Variants in NOC3L observed in about 807,000 individuals in gnomAD.
NOC3L encodes the protein nucleolar complex protein 3 homolog.
In NOC3L, 85 loss-of-function variants were observed where a neutral mutation model predicts 102.5. The ratio of observed to expected loss-of-function variants is 0.83; its 90% CI spans 0.70 to 0.99. The LOEUF is 0.99. Ranked by LOEUF, NOC3L falls within the 50% of genes least tolerant of loss-of-function variation. The pLI, the probability that NOC3L is intolerant of heterozygous loss-of-function variation, is 0.00. For synonymous variants in NOC3L, 303 were observed against 309.4 expected (o/e 0.98, Z 0.22); for missense variants, 878 against 914.9 (o/e 0.96, Z 0.52).
chr10:94,357,318 C>A lies in NOC3L; in HGVS notation c.364G>T (p.Ala122Ser). The A allele has an allele frequency of 6.3e-7, 1 of 1,595,940 alleles. No individual in the cohort carries two copies. The highest frequency in any genetic ancestry group is 8.5e-7 in the Non-Finnish European group (1 of 1,171,770). The change falls in exon 4 of 21, where the codon GCG (alanine) becomes TCG (serine). Residue 122 changes from alanine (A) to serine (S), a missense_variant. Ala to Ser is a moderately conservative substitution (Grantham distance 99). Transcript: ENST00000371361. ...RDLSSSEPVH[A>S]KKRKHERIID... ...ATGCGTTCATGCTTCCGTTTCTTCG[C>A]ATGAACAGGCTCACTGCAGGGGAAA...
At chr10:94,347,479 A>C (rs1352484677) in intron 10 of NOC3L, among the ~76,000 whole-genome samples, 1 of 152,200 alleles carries the variant, frequency 6.6e-6, no homozygotes, top group Non-Finnish European at 1.5e-5. Flanking sequence ...CCTATGGCTG[A>C]GTTTCATGTT....
At chr10:94,324,953 A>C in the NOC3L span, 22 of 1,614,092 alleles carry the variant, frequency 1.4e-5, no homozygotes, top group Admixed American at 3.3e-5. Flanking sequence ...AAGCTCACCA[A>C]GTCAACTAAA....
At position 94,340,497 on chromosome 10, in the gene NOC3L, CT is replaced by C. The variant is rs2054269439; in HGVS notation, c.1645-2del. ...GAAGACTTTCTTGATAGCTTAGGTCCTTTAAAAAAAAAAGGGGGGGGTGAGG... is the reference window on the plus strand; with the variant it reads ...GAAGACTTTCTTGATAGCTTAGGTCCTTAAAAAAAAAAGGGGGGGGTGAGG... On this transcript the variant is annotated splice_acceptor_variant, in intron 14 of 20. Coordinates refer to ENST00000371361, the MANE Select transcript of NOC3L (RefSeq NM_022451.11). LOFTEE classifies it high-confidence loss of function. 3.7e-5 allele frequency: 41 copies of C among 1,100,934 alleles called. No individual in the cohort carries two copies. Among genetic ancestry groups the C allele is most frequent in the Non-Finnish European group, 4.4e-5 (34 of 765,742 alleles). 68.2% of individuals were successfully genotyped at this position (1,100,934 alleles called of 1,614,324 possible). A position where few individuals can be genotyped will look rare whatever the true frequency, so the allele number is the denominator to read the frequency against.
At chr10:94,326,422 G>A in the NOC3L span, among the ~76,000 whole-genome samples, 3 of 152,180 alleles carry the variant, frequency 2.0e-5, no homozygotes, top group African/African-American at 7.2e-5. Context: ...ACACTCTGCA[G>A]TGGTCAAAAT....
the NOC3L span, chr10:94,328,127 AC>A: frequency 2.9e-6 from 1 of 349,812 alleles, no homozygotes; most frequent in African/African-American, 2.1e-5. Flanking sequence ...GCTAGTTGCC[AC>A]CAACCAATTT....
the NOC3L span, among the ~76,000 whole-genome samples, chr10:94,322,587 C>T: frequency 6.6e-6 from 1 of 152,044 alleles, no homozygotes; most frequent in African/African-American, 2.4e-5. Flanking sequence ...GAGTTCGAGA[C>T]CAGCCTGGCC....
intron 7 of NOC3L, 138 bp downstream of exon 7, chr10:94,352,758 G>A (rs2054435146): frequency 4.3e-6 from 3 of 696,092 alleles, no homozygotes; most frequent in Non-Finnish European, 7.2e-6. Flanking sequence ...GAAGGCAGAG[G>A]TTGCAGTGAG....
chr10:94,316,754 GAAGT>G, the NOC3L span: 6 of 1,609,670 alleles, frequency 3.7e-6, no homozygotes, highest in South Asian at 5.5e-5. Flanking sequence ...AACCCAGCAG[GAAGT>G]AAGTGTGTCT....
the NOC3L span, among the ~76,000 whole-genome samples, chr10:94,327,196 T>C: frequency 5.3e-5 from 8 of 152,192 alleles, no homozygotes; most frequent in African/African-American, 1.9e-4. Flanking sequence ...TTATAGTCAT[T>C]GGTGCATCTA....
intron 3 of NOC3L, 68 bp from the exon 4 acceptor site, chr10:94,357,399 T>C: frequency 7.4e-7 from 1 of 1,355,578 alleles, no homozygotes; most frequent in Non-Finnish European, 9.6e-7. Flanking sequence ...GACCTATCAT[T>C]TCAAAAGTAC....
chr10:94,326,459 A>C, the NOC3L span, among the ~76,000 whole-genome samples: 1 of 152,232 alleles, frequency 6.6e-6, no homozygotes, highest in Non-Finnish European at 1.5e-5. Context: ...CATATCCAGA[A>C]GTTAGTATCA....
At chr10:94,340,560 G>A in intron 14 of NOC3L, 64 bp from the exon 15 acceptor site, 1 of 1,422,872 alleles carries the variant, frequency 7.0e-7, no homozygotes, top group Non-Finnish European at 9.7e-7. Flanking sequence ...GCCATTTATA[G>A]CTTTAAAAAA....
chr10:94,334,547 TA>T, intron 20 of NOC3L, 86 bp downstream of exon 20: 1 of 976,554 alleles, frequency 1.0e-6, no homozygotes, highest in Non-Finnish European at 1.5e-6. Flanking sequence ...AAACTACCTA[TA>T]AAATAATTAA....
chr10:94,327,788 CT>C, the NOC3L span, among the ~76,000 whole-genome samples: 2 of 151,988 alleles, frequency 1.3e-5, no homozygotes, highest in African/African-American at 4.8e-5. Flanking sequence ...CAGAAATAAC[CT>C]AATGTTCTAC....
chr10:94,315,864 C>CA, the NOC3L span, among the ~76,000 whole-genome samples: 1 of 149,682 alleles, frequency 6.7e-6, no homozygotes, highest in Non-Finnish European at 1.5e-5. Context: ...AACCATAAAA[C>CA]AAAATTAAGA....
At chr10:94,344,959 T>C (rs2054326655) in intron 11 of NOC3L, 26 bp from the exon 12 acceptor site, 2 of 1,548,770 alleles carry the variant, frequency 1.3e-6, no homozygotes, top group Non-Finnish European at 1.8e-6. Flanking sequence ...AAAACAAAAA[T>C]CTAAGAGCAT....
chr10:94,348,678 G>A (rs942628967), intron 10 of NOC3L, among the ~76,000 whole-genome samples: 1 of 152,064 alleles, frequency 6.6e-6, no homozygotes, highest in African/African-American at 2.4e-5. Flanking sequence ...CAGGTAGGAG[G>A]GAACTGACAC....
chr10:94,331,673 T>TGTCTCTTATACAGAGTCTAGAC (rs1311133780), downstream of NOC3L: 2 of 152,168 alleles, frequency 1.3e-5, no homozygotes, highest in African/African-American at 2.4e-5. Flanking sequence ...AAAGGGAGAT[T>TGTCTCTTATACAGAGTCTAGAC]GTCTCTTATA....
rs761803586 is a variant in NOC3L at position 94,341,721 on chromosome 10, T to A, written c.1596A>T (p.Glu532Asp). The A allele has an allele frequency of 5.7e-6, 9 of 1,570,570 alleles. No individual in the cohort carries two copies. The highest frequency in any genetic ancestry group is 1.7e-4 in the Middle Eastern group (1 of 5,922). The change falls in exon 14 of 21, where the codon GAA (glutamate) becomes GAT (aspartate). Residue 532 changes from glutamate (E) to aspartate (D), a missense_variant. Transcript: ENST00000371361. The part of the protein sequence containing the change: ...LAKFAHLINV[E>D]FFDDLLVVLH... ...GAACTACTAACAGATCATCAAAAAA[T>A]TCCACATTTATAAGGTGAGCAAACC...
Sources: gnomAD v4.1 joint callset for allele counts (sites outside exome capture counted in the v4.1 genomes callset) on GRCh38, gnomAD v4.1.1 for gene constraint, MANE v1.5 for transcripts, NCBI Gene and HGNC (gene_info 2026-07-23, HGNC 2026-07-21) for gene names.